PPM1H: variants seen among roughly 807,000 people sequenced by gnomAD.
PPM1H encodes protein phosphatase 1H.
PPM1H carries 27 observed loss-of-function variants against 54.9 expected under a neutral mutation model. The observed-to-expected ratio is 0.49, with a 90% CI of 0.36 to 0.68. The LOEUF is 0.68. PPM1H is among the 30% of genes least tolerant of loss of function. The pLI is 0.00. For synonymous variants in PPM1H, 305 were observed against 270.8 expected, an observed-to-expected ratio of 1.13 and a Z score of -1.24; for missense variants, 596 against 667.8, an observed-to-expected ratio of 0.89 and a Z score of 1.19.
At chr12:62,826,906 CCTTAT>C (rs1157648512) in intron 2 of PPM1H, among the ~76,000 whole-genome samples, 1 of 152,126 alleles carries the variant, frequency 6.6e-6, no homozygotes, top group Non-Finnish European at 1.5e-5. Flanking sequence ...CTTTTCCCAT[CCTTAT>C]CTTTCTTATC....
rs2075798299 is a variant in PPM1H at position 62,648,408 on chromosome 12, C to T, written c.*81G>A. 6.5e-7 allele frequency: 1 copy of T among 1,535,876 alleles called. No individual in the cohort carries two copies. Among genetic ancestry groups the T allele is most frequent in the Non-Finnish European group, 8.9e-7 (1 of 1,124,394 alleles). On this transcript the variant is annotated 3_prime_UTR_variant, in exon 10 of 10. Coordinates refer to ENST00000228705, the MANE Select transcript of PPM1H (RefSeq NM_020700.2). Reference sequence around the variant, plus strand: ...AGAGACTGCATCACTTGGAACTCAGCTGGGGCACTTCCCAGTTCCGTCCTG... The same window carrying T: ...AGAGACTGCATCACTTGGAACTCAGTTGGGGCACTTCCCAGTTCCGTCCTG...
chr12:62,683,082 TTA>T (rs2076031944), intron 8 of PPM1H, among the ~76,000 whole-genome samples: 2 of 140,124 alleles, frequency 1.4e-5, no homozygotes, highest in Non-Finnish European at 1.5e-5. Context: ...ATTATTATTA[TTA>T]TTTTTGTAGA....
At position 62,883,592 on chromosome 12, in the gene PPM1H, G is replaced by A. The variant is rs116763636; in HGVS notation, c.245+50900C>T. Among the ~76,000 whole-genome samples the A allele has an allele frequency of 5.3e-5, 8 of 152,134 alleles. No homozygotes were observed. In the East Asian group the frequency reaches 1.2e-3, roughly 22 times the overall value. ...CATCGATCTCTAACATGAGCAATAC[G>A]GCAAACCATGTTTGAAAAGACTAAC... On this transcript the variant is annotated intron_variant, in intron 1 of 9. Transcript: ENST00000228705.
At chr12:62,689,626 G>C in intron 8 of PPM1H, 73 bp downstream of exon 8, 4 of 1,085,174 alleles carry the variant, frequency 3.7e-6, no homozygotes, top group Non-Finnish European at 5.5e-6. Context: ...TGGATATGGG[G>C]TGTGAGTCAC....
At chr12:62,762,923 T>C (rs1340395741) in intron 4 of PPM1H, among the ~76,000 whole-genome samples, 1 of 152,184 alleles carries the variant, frequency 6.6e-6, no homozygotes, top group African/African-American at 2.4e-5. Flanking sequence ...TGAAATGCCT[T>C]TGGACCTGAA....
intron 1 of PPM1H, among the ~76,000 whole-genome samples, chr12:62,863,535 T>C (rs568179860): frequency 6.6e-6 from 1 of 152,198 alleles, no homozygotes; most frequent in Non-Finnish European, 1.5e-5. Flanking sequence ...TAAGGTAATA[T>C]AACAATTAGT....
chr12:62,676,438 T>C (rs1189643243), intron 8 of PPM1H, among the ~76,000 whole-genome samples: 1 of 152,172 alleles, frequency 6.6e-6, no homozygotes, highest in African/African-American at 2.4e-5. Flanking sequence ...ACAGGAGCCC[T>C]GTCCTCCTGG....
intron 1 of PPM1H, among the ~76,000 whole-genome samples, chr12:62,832,911 G>A (rs1235834846): frequency 6.6e-6 from 1 of 151,718 alleles, no homozygotes; most frequent in East Asian, 1.9e-4. Context: ...ACTCTGATTT[G>A]GACACCAAGA....
chr12:62,928,640 G>C (rs1460166845), intron 1 of PPM1H, among the ~76,000 whole-genome samples: 7 of 152,178 alleles, frequency 4.6e-5, no homozygotes, highest in Non-Finnish European at 7.3e-5. Context: ...CGCCAATCCT[G>C]TTCCTTAAGC....
At chr12:62,727,809 C>T (rs901368734) in intron 5 of PPM1H, among the ~76,000 whole-genome samples, 3 of 151,562 alleles carry the variant, frequency 2.0e-5, no homozygotes, top group Non-Finnish European at 2.9e-5. Context: ...TACATGCGTG[C>T]GCCACCATGC....
intron 4 of PPM1H, among the ~76,000 whole-genome samples, chr12:62,764,606 T>C (rs947574341): frequency 3.9e-5 from 6 of 152,196 alleles, no homozygotes; most frequent in Non-Finnish European, 8.8e-5. Flanking sequence ...ATTTTGTTTT[T>C]TTTTTCTTTC....
chr12:62,712,103 G>T (rs2076210694), intron 6 of PPM1H, among the ~76,000 whole-genome samples: 1 of 152,222 alleles, frequency 6.6e-6, no homozygotes, highest in Non-Finnish European at 1.5e-5. Flanking sequence ...GAAGCCCCGG[G>T]AGAGGCCCCT....
At chr12:62,672,319 C>G (rs1353528438) in intron 8 of PPM1H, among the ~76,000 whole-genome samples, 2 of 152,164 alleles carry the variant, frequency 1.3e-5, no homozygotes, top group Non-Finnish European at 2.9e-5. Flanking sequence ...CTGAAGCTTT[C>G]CTTATGATCT....
At chr12:62,780,611 G>A (rs1046195453) in intron 4 of PPM1H, among the ~76,000 whole-genome samples, 10 of 152,200 alleles carry the variant, frequency 6.6e-5, no homozygotes, top group African/African-American at 2.4e-4. Flanking sequence ...TGACTGCCAG[G>A]CTGGTTTTTC....
intron 3 of PPM1H, among the ~76,000 whole-genome samples, chr12:62,791,439 TGC>T (rs202024144): frequency 0.018 from 2,771 of 152,302 alleles, 80 homozygotes; most frequent in African/African-American, 0.064. Flanking sequence ...CTACTTTTTT[TGC>T]ATTTAAAGAA....
At chr12:62,874,498 A>T (rs899848898) in intron 1 of PPM1H, among the ~76,000 whole-genome samples, 5 of 148,044 alleles carry the variant, frequency 3.4e-5, no homozygotes, top group African/African-American at 9.8e-5. Context: ...GCCAGCTACC[A>T]TTTTTTTTTT....
intron 1 of PPM1H, among the ~76,000 whole-genome samples, chr12:62,891,242 A>G (rs1870786973): frequency 6.6e-6 from 1 of 152,198 alleles, no homozygotes; most frequent in Non-Finnish European, 1.5e-5. Flanking sequence ...GGAAATACTC[A>G]TATCATACCT....
intron 4 of PPM1H, among the ~76,000 whole-genome samples, chr12:62,756,717 G>C (rs2076478415): frequency 1.3e-5 from 2 of 151,898 alleles, no homozygotes; most frequent in South Asian, 4.2e-4. Flanking sequence ...GGAAAAGAAG[G>C]AGGGCACTGA....
chr12:62,833,610 C>T (rs1257846631), intron 1 of PPM1H, among the ~76,000 whole-genome samples: 1 of 152,182 alleles, frequency 6.6e-6, no homozygotes, highest in African/African-American at 2.4e-5. Flanking sequence ...CCAACACACA[C>T]ATGCCACAAC....
Sources: allele counts gnomAD v4.1 joint callset (sites outside exome capture counted in the v4.1 genomes callset), GRCh38; gene constraint gnomAD v4.1.1; transcripts MANE v1.5; gene names NCBI Gene and HGNC (gene_info 2026-07-23, HGNC 2026-07-21).